HSP90AA1: variants seen among roughly 807,000 people sequenced by gnomAD.
HSP90AA1 encodes heat shock protein 90 alpha family class A member 1, also known as heat shock protein HSP 90-alpha.
A neutral mutation model predicts 73.3 loss-of-function variants in HSP90AA1; 18 were observed. That is an observed-to-expected ratio of 0.25 (90% CI 0.17 to 0.36). The LOEUF (loss-of-function observed/expected upper bound fraction) is 0.36, where lower values mean the gene tolerates loss of function less well. Ranked by LOEUF, HSP90AA1 falls within the 10% of genes least tolerant of loss-of-function variation. HSP90AA1 has a pLI of 1.00. For synonymous variants in HSP90AA1, 477 were observed against 296.9 expected, an observed-to-expected ratio of 1.61 and a Z score of -6.24; for missense variants, 704 against 874.2, an observed-to-expected ratio of 0.81 and a Z score of 2.45.
intron 2 of HSP90AA1, among the ~76,000 whole-genome samples, chr14:102,099,763 C>T (rs987054780): frequency 5.9e-5 from 9 of 152,190 alleles, no homozygotes; most frequent in Non-Finnish European, 1.2e-4. Context: ...TTCTGTTTCC[C>T]AAGTGTCAGC....
chr14:102,100,127 G>GC (rs2049474502), intron 2 of HSP90AA1, among the ~76,000 whole-genome samples: 2 of 152,256 alleles, frequency 1.3e-5, no homozygotes, highest in East Asian at 3.9e-4. Flanking sequence ...GGCAGAGGCT[G>GC]CAGTAAGCTG....
At chr14:102,098,800 A>T (rs1006905846) in intron 2 of HSP90AA1, among the ~76,000 whole-genome samples, 2 of 152,112 alleles carry the variant, frequency 1.3e-5, no homozygotes, top group African/African-American at 4.8e-5. Context: ...GGTTCAAGTG[A>T]TACAGTCCTT....
At position 102,081,502 on chromosome 14, in the gene HSP90AA1, A is replaced by T. The variant is rs55980776; in HGVS notation, c.*210T>A. 3 of 598,314 alleles carry T rather than the reference A, an allele frequency of 5.0e-6. No homozygotes were observed. Among genetic ancestry groups the T allele is most frequent in the Non-Finnish European group, 3.0e-6 (1 of 337,338 alleles). The allele number at this position is 598,314 out of a possible 1,614,324, so 37.1% of individuals were successfully genotyped here. A position where few individuals can be genotyped will look rare whatever the true frequency, so the allele number is the denominator to read the frequency against. ...CCCCAATCTGTGAAAATAAACCAAC[A>T]TGAAACTCAAAAAGCATTACTAGCT... On this transcript the variant is annotated 3_prime_UTR_variant, in exon 11 of 11. Coordinates refer to ENST00000216281, the MANE Select transcript of HSP90AA1 (RefSeq NM_005348.4).
At chr14:102,136,944 T>G (rs1288267339) in intron 1 of HSP90AA1, among the ~76,000 whole-genome samples, 1 of 149,198 alleles carries the variant, frequency 6.7e-6, no homozygotes, top group Non-Finnish European at 1.5e-5. Flanking sequence ...CCGGGCGCGG[T>G]GGCTCACGCC....
intron 1 of HSP90AA1, 31 bp downstream of exon 1, chr14:102,086,955 A>C (rs2049256826): frequency 2.1e-6 from 2 of 971,600 alleles, no homozygotes; most frequent in Non-Finnish European, 1.2e-6. Flanking sequence ...TCCCCAGTCC[A>C]CCTCCACAGG....
intron 2 of HSP90AA1, among the ~76,000 whole-genome samples, chr14:102,096,399 T>C (rs962334735): frequency 2.0e-5 from 3 of 152,224 alleles, no homozygotes; most frequent in Non-Finnish European, 4.4e-5. Context: ...CATTACAGCA[T>C]TCCTTTTCAT....
chr14:102,116,893 C>T (rs2049713969), intron 1 of HSP90AA1, among the ~76,000 whole-genome samples: 1 of 152,166 alleles, frequency 6.6e-6, no homozygotes, highest in African/African-American at 2.4e-5. Flanking sequence ...TGGTGGGAGC[C>T]CCACCCTCCC....
chr14:102,086,398 G>C lies in HSP90AA1; in HGVS notation c.1-20C>G. 6.2e-7 allele frequency: 1 copy of C among 1,614,110 alleles called. No homozygotes were observed. The highest frequency in any genetic ancestry group is 8.5e-7 in the Non-Finnish European group (1 of 1,179,978). On this transcript the variant is annotated intron_variant, in intron 1 of 10. Transcript: ENST00000216281. ...AGGCATCTGGAACGACACCGCGCCG[G>C]TTTAAAACCTTGCAGGACGTCTACA...
At chr14:102,134,772 C>T (rs908881946) in intron 1 of HSP90AA1, among the ~76,000 whole-genome samples, 4 of 152,134 alleles carry the variant, frequency 2.6e-5, no homozygotes, top group Non-Finnish European at 5.9e-5. Context: ...TGAGCAGTAG[C>T]AAGATTTATT....
rs372518751 is a variant in HSP90AA1 at position 102,084,832 on chromosome 14, T to C, written c.830A>G (p.Lys277Arg). The change falls in exon 5 of 11, where the codon AAG (lysine) becomes AGG (arginine). Residue 277 changes from lysine (K) to arginine (R), a missense_variant. Lys to Arg is a conservative substitution (Grantham distance 26). Transcript: ENST00000216281. ...GATGTACTTTTCCTTAATCTTCTTC[T>C]TCTTCTTCTTGTCACCATCCTTCTT... is the stretch of plus-strand genomic sequence containing the variant. ...EEKKDGDKKK[K>R]KKIKEKYIDQ... 78 of 1,604,826 alleles carry C rather than the reference T, an allele frequency of 4.9e-5. No individual in the cohort carries two copies. In the African/African-American group the frequency reaches 9.8e-4, roughly 20 times the overall value.
intron 1 of HSP90AA1, among the ~76,000 whole-genome samples, chr14:102,107,459 G>A (rs2049583704): frequency 6.6e-6 from 1 of 151,886 alleles, no homozygotes; most frequent in Non-Finnish European, 1.5e-5. Flanking sequence ...CAAGTAGCTG[G>A]GACTACAGGT....
intron 2 of HSP90AA1, among the ~76,000 whole-genome samples, chr14:102,101,137 G>A (rs1395139232): frequency 6.6e-6 from 1 of 152,116 alleles, no homozygotes; most frequent in Admixed American, 6.6e-5. Context: ...TCTCTCCCCT[G>A]CTGCTTTCTC....
upstream of HSP90AA1, among the ~76,000 whole-genome samples, chr14:102,087,656 C>T (rs972575893): frequency 6.6e-6 from 1 of 152,218 alleles, no homozygotes; most frequent in East Asian, 1.9e-4. Context: ...TAGCCTCAGG[C>T]TGCTGCGCAC....
At chr14:102,102,630 T>G (rs2049509085) in intron 1 of HSP90AA1, among the ~76,000 whole-genome samples, 3 of 152,246 alleles carry the variant, frequency 2.0e-5, no homozygotes, top group African/African-American at 4.8e-5. Flanking sequence ...GAAGAGGCTC[T>G]GCCACGCATA....
intron 1 of HSP90AA1, among the ~76,000 whole-genome samples, chr14:102,121,005 A>G (rs959767893): frequency 3.4e-5 from 5 of 145,952 alleles, no homozygotes; most frequent in African/African-American, 1.1e-4. Context: ...ACATACACAC[A>G]CACACACACA....
chr14:102,088,360 C>G (rs559713567), upstream of HSP90AA1, among the ~76,000 whole-genome samples: 23 of 152,246 alleles, frequency 1.5e-4, no homozygotes, highest in South Asian at 1.2e-3. Flanking sequence ...GCCAGGCCCT[C>G]GGAATAATCT....
intron 4 of HSP90AA1, 39 bp downstream of exon 4, chr14:102,085,259 A>T (rs770706447): frequency 6.3e-7 from 1 of 1,597,386 alleles, no homozygotes; most frequent in African/African-American, 1.3e-5. Flanking sequence ...CCAATCACCT[A>T]CAGACAGAAA....
intron 1 of HSP90AA1, among the ~76,000 whole-genome samples, chr14:102,119,645 T>C (rs1190604): frequency 0.92 from 139,914 of 152,196 alleles, 64,381 homozygotes; most frequent in East Asian, 1. Context: ...CGTGCCACCA[T>C]GCCTGGCTAA....
chr14:102,138,755 A>G (rs1383755558), intron 1 of HSP90AA1, among the ~76,000 whole-genome samples: 1 of 152,166 alleles, frequency 6.6e-6, no homozygotes, highest in Non-Finnish European at 1.5e-5. Flanking sequence ...CTGGAATTCT[A>G]TTAGAATGTT....
Sources: gnomAD v4.1 joint callset for allele counts (sites outside exome capture counted in the v4.1 genomes callset) on GRCh38, gnomAD v4.1.1 for gene constraint, MANE v1.5 for transcripts, NCBI Gene and HGNC (gene_info 2026-07-23, HGNC 2026-07-21) for gene names.